Variants in RPH3AL observed in about 807,000 individuals in gnomAD.
RPH3AL encodes the protein rabphilin 3A like (without C2 domains), also known as rab effector Noc2.
Under a neutral mutation model 43.1 loss-of-function variants are expected in RPH3AL, and 38 were observed. The ratio of observed to expected loss-of-function variants is 0.88; its 90% CI spans 0.68 to 1.15. The LOEUF is 1.15. RPH3AL is among the 50% of genes most tolerant of loss of function. The pLI, the probability that RPH3AL is intolerant of heterozygous loss-of-function variation, is 0.00. For synonymous variants in RPH3AL, 189 were observed against 176.3 expected (o/e 1.07, Z -0.57); for missense variants, 462 against 423.2 (o/e 1.09, Z -0.81).
intron 7 of RPH3AL, among the ~76,000 whole-genome samples, chr17:240,372 C>T (rs960499807): frequency 2.0e-5 from 3 of 152,118 alleles, no homozygotes; most frequent in East Asian, 1.9e-4. Context: ...TATAGCCATA[C>T]GTTTACGTAA....
At chr17:305,401 G>A (rs1292226795) in intron 5 of RPH3AL, among the ~76,000 whole-genome samples, 2 of 151,994 alleles carry the variant, frequency 1.3e-5, no homozygotes, top group East Asian at 1.9e-4. Context: ...AGCTGCGGGG[G>A]CTGGGGAGGG....
chr17:223,168 T>G (rs4413020), intron 7 of RPH3AL, among the ~76,000 whole-genome samples: 6 of 150,808 alleles, frequency 4.0e-5, no homozygotes, highest in Non-Finnish European at 7.4e-5. Flanking sequence ...CTAGCCTGGG[T>G]GACAGAGCAA....
At chr17:285,867 C>T (rs1248912420) in intron 5 of RPH3AL, among the ~76,000 whole-genome samples, 1 of 152,184 alleles carries the variant, frequency 6.6e-6, no homozygotes, top group African/African-American at 2.4e-5. Flanking sequence ...CTATCTCCAC[C>T]CCCATCCCGT....
intron 5 of RPH3AL, 49 bp downstream of exon 5, chr17:319,370 GC>G: frequency 6.3e-7 from 1 of 1,594,812 alleles, no homozygotes; most frequent in Non-Finnish European, 8.5e-7. Flanking sequence ...GCGCAGCGGG[GC>G]TGGTCCAGGC....
chr17:226,404 C>T lies in RPH3AL; in HGVS notation c.614-6668G>A, dbSNP rs531678814. Among the ~76,000 whole-genome samples the T allele has an allele frequency of 2.2e-4, 33 of 152,370 alleles. No homozygotes were observed. In the South Asian group the frequency reaches 2.3e-3, roughly 11 times the overall value. The stretch of plus-strand genomic sequence containing the variant: ...GTGAAGAAGCAGGGAAGAGCCTCTC[C>T]GTGACTGGACCCTCTCTGCTCACTG... On this transcript the variant is annotated intron_variant, in intron 7 of 9. Coordinates refer to ENST00000331302, the MANE Select transcript of RPH3AL (RefSeq NM_006987.4).
rs78827378 is a variant in RPH3AL at position 273,175 on chromosome 17, G to A, written c.438+8593C>T. Reference sequence around the variant, plus strand: ...GGTGATGTCAGGGTGAGACCCCAGCGCGGGTGACGTCAGGGAGAGACCCCA... The same window carrying A: ...GGTGATGTCAGGGTGAGACCCCAGCACGGGTGACGTCAGGGAGAGACCCCA... On this transcript the variant is annotated intron_variant, in intron 6 of 9. Transcript: ENST00000331302. Among the ~76,000 whole-genome samples, 5 of 29,690 alleles carry A rather than the reference G, an allele frequency of 1.7e-4. 2 individuals carry two copies. The highest frequency in any genetic ancestry group is 4.1e-4 in the African/African-American group (3 of 7,390). 19.5% of individuals were successfully genotyped at this position (29,690 alleles called of 152,430 possible). A position where few individuals can be genotyped will look rare whatever the true frequency, so the allele number is the denominator to read the frequency against.
At chr17:331,910 C>T in intron 2 of RPH3AL, 1 of 1,261,336 alleles carries the variant, frequency 7.9e-7, no homozygotes, top group South Asian at 1.2e-5. Context: ...GATGAGGGAA[C>T]AAAATAGGGC....
At chr17:314,648 T>A (rs1567507710) in intron 5 of RPH3AL, among the ~76,000 whole-genome samples, 2 of 38,042 alleles carry the variant, frequency 5.3e-5, no homozygotes, top group East Asian at 2.0e-3. Context: ...GTAGTCCCTG[T>A]GACTCCACCT....
At chr17:275,212 C>T (rs896270930) in intron 6 of RPH3AL, among the ~76,000 whole-genome samples, 1 of 140,458 alleles carries the variant, frequency 7.1e-6, no homozygotes, top group Non-Finnish European at 1.5e-5. Flanking sequence ...TGAATGTTTA[C>T]AGCACAATTA....
intron 5 of RPH3AL, among the ~76,000 whole-genome samples, chr17:298,042 C>T (rs2043225958): frequency 1.3e-5 from 2 of 152,212 alleles, no homozygotes; most frequent in South Asian, 4.1e-4. Context: ...TGTCCTCTCC[C>T]AACCCTCTAG....
At chr17:293,793 C>G (rs2043103910) in intron 5 of RPH3AL, among the ~76,000 whole-genome samples, 1 of 151,914 alleles carries the variant, frequency 6.6e-6, no homozygotes, top group East Asian at 1.9e-4. Flanking sequence ...ATTTGGGAGG[C>G]TGAGGTGGGC....
At chr17:242,319 A>AC (rs781826211) in intron 7 of RPH3AL, among the ~76,000 whole-genome samples, 2,447 of 106,842 alleles carry the variant, frequency 0.023, 131 homozygotes, top group South Asian at 0.034. Context: ...TCTATTGACT[A>AC]CCTTCCTCTA....
rs559527599 is a variant in RPH3AL at position 246,233 on chromosome 17, T to C, written c.613+878A>G. On this transcript the variant is annotated intron_variant, in intron 7 of 9. Coordinates refer to ENST00000331302, the MANE Select transcript of RPH3AL (RefSeq NM_006987.4). The surrounding 1 kb of genome is among the most constrained non-coding windows in gnomAD (Gnocchi z 4.8). ...GAAGCGGCCGCCAGGTCTATTGTGA[T>C]GGGTCCACTTCCTCCAAGACGAGCC... Among the ~76,000 whole-genome samples, 1 of 152,250 alleles carries C rather than the reference T, an allele frequency of 6.6e-6. No individual in the cohort carries two copies. The highest frequency in any genetic ancestry group is 1.5e-5 in the Non-Finnish European group (1 of 68,024).
rs374390425 is a variant in RPH3AL at position 261,256 on chromosome 17, G to C, written c.439-13971C>G. Among the ~76,000 whole-genome samples the C allele has an allele frequency of 5.9e-5, 9 of 152,346 alleles. No homozygotes were observed. In the East Asian group the frequency reaches 1.2e-3, roughly 20 times the overall value. ...CTCTAACCCTCATGTACTTGTGAGT[G>C]ACAATGGACCTTGGGAAGGGAATTA... On this transcript the variant is annotated intron_variant, in intron 6 of 9. Transcript: ENST00000331302.
chr17:243,266 C>A (rs1366858710), intron 7 of RPH3AL, among the ~76,000 whole-genome samples: 2 of 144,512 alleles, frequency 1.4e-5, no homozygotes, highest in African/African-American at 5.2e-5. Context: ...TATTGATTAC[C>A]CTTCCTCTAT....
At chr17:285,789 C>T (rs1388716663) in intron 5 of RPH3AL, among the ~76,000 whole-genome samples, 2 of 152,200 alleles carry the variant, frequency 1.3e-5, no homozygotes, top group Non-Finnish European at 2.9e-5. Context: ...ACAGCCTGCT[C>T]CCCTGCTCCC....
In RPH3AL at chr17:213,128, T is replaced by G. The variant is rs1567554338; in HGVS notation, c.*724A>C. 1 of 152,174 alleles carries G rather than the reference T, an allele frequency of 6.6e-6. No homozygotes were observed. The highest frequency in any genetic ancestry group is 1.5e-5 in the Non-Finnish European group (1 of 68,128). The allele number at this position is 152,174 out of a possible 1,614,324, so 9.4% of individuals were successfully genotyped here. On this transcript the variant is annotated 3_prime_UTR_variant, in exon 10 of 10. Coordinates refer to ENST00000331302, the MANE Select transcript of RPH3AL (RefSeq NM_006987.4). ...AATTAACTGGGTGTGGTGGCGGGCA[T>G]CTGTAATCCCACCTACTCAGGAGGC...
chr17:247,414 G>T (rs1597927579), intron 6 of RPH3AL, 129 bp from the exon 7 acceptor site: 1 of 901,270 alleles, frequency 1.1e-6, no homozygotes, highest in Non-Finnish European at 1.6e-6. Flanking sequence ...CTCTGGCTCT[G>T]CCCTCCCTGG....
intron 7 of RPH3AL, among the ~76,000 whole-genome samples, chr17:240,539 A>T (rs1486862540): frequency 6.6e-6 from 1 of 152,068 alleles, no homozygotes; most frequent in Non-Finnish European, 1.5e-5. Context: ...TATAGATGAG[A>T]TCACACAACA....
Sources: gnomAD v4.1 joint callset for allele counts (sites outside exome capture counted in the v4.1 genomes callset) on GRCh38, gnomAD v4.1.1 for gene constraint, Gnocchi (gnomAD v3.1) non-coding constraint, MANE v1.5 for transcripts, NCBI Gene and HGNC (gene_info 2026-07-23, HGNC 2026-07-21) for gene names.